Variants in ABLIM2 observed in about 807,000 individuals in gnomAD.
ABLIM2 encodes the protein actin-binding LIM protein 2.
Under a neutral mutation model 97.7 loss-of-function variants are expected in ABLIM2, and 53 were observed. The ratio of observed to expected loss-of-function variants is 0.54; its 90% confidence interval spans 0.44 to 0.68. ABLIM2 has a LOEUF of 0.68. Ranked by LOEUF, ABLIM2 falls within the 30% of genes least tolerant of loss-of-function variation. The probability of loss-of-function intolerance (pLI) is 0.00; values close to 1 mark genes in which losing one functional copy is unlikely to be tolerated. For synonymous variants in ABLIM2, 361 were observed against 345.8 expected (o/e 1.04, Z -0.49); for missense variants, 835 against 867.2 (o/e 0.96, Z 0.47).
In ABLIM2 at chr4:8,054,553, G is replaced by C. The variant is rs997177259; in HGVS notation, c.764-307C>G. Among the ~76,000 whole-genome samples the C allele has an allele frequency of 6.6e-5, 10 of 152,222 alleles. No individual in the cohort carries two copies. The highest frequency in any genetic ancestry group is 2.4e-4 in the African/African-American group (10 of 41,454). On this transcript the variant is annotated intron_variant, in intron 7 of 20. Coordinates refer to ENST00000447017, the MANE Select transcript of ABLIM2 (RefSeq NM_001130083.2). This position sits in a 1 kb window ranked among gnomAD's most constrained non-coding sequence, Gnocchi z 4.9. ...GGCATAGGGTCTTGAGGAACCTGGG[G>C]GGCAGCTGGAAGATTCTTCTCTGAG...
chr4:8,040,047 C>A (rs1413987164), intron 9 of ABLIM2, among the ~76,000 whole-genome samples: 1 of 152,152 alleles, frequency 6.6e-6, no homozygotes, highest in Non-Finnish European at 1.5e-5. Flanking sequence ...CAAGCCCTCA[C>A]GGTCCGTGGA....
Position 8,043,542 on chromosome 4 carries a change from C to T in ABLIM2, c.900+1622G>A, listed in dbSNP as rs36015355. Among the ~76,000 whole-genome samples, 52,528 of 151,806 alleles carry T rather than the reference C, an allele frequency of 0.35. 9,476 individuals carry two copies. The highest frequency in any genetic ancestry group is 0.52 in the East Asian group (2,661 of 5,134). ...TTAAAACAAGACCGTTAGGGTGGAT[C>T]CAATCCAATCTGCCTGGTGTCCTTA... On this transcript the variant is annotated intron_variant, in intron 9 of 20. Transcript: ENST00000447017. The surrounding 1 kb of genome is among the most constrained non-coding windows in gnomAD (Gnocchi z 4.8).
chr4:8,072,148 C>T lies in ABLIM2; in HGVS notation c.675+5480G>A. 2 of 822,982 alleles carry T rather than the reference C, an allele frequency of 2.4e-6. No homozygotes were observed. The highest frequency in any genetic ancestry group is 2.9e-6 in the Non-Finnish European group (2 of 681,514). The allele number at this position is 822,982 out of a possible 1,614,324, so 51.0% of individuals were successfully genotyped here. On this transcript the variant is annotated intron_variant, in intron 6 of 20. Coordinates refer to ENST00000447017, the MANE Select transcript of ABLIM2 (RefSeq NM_001130083.2). The surrounding 1 kb of genome is among the most constrained non-coding windows in gnomAD (Gnocchi z 5.8). ...TCTTCCCCAGGAGGCCCTTTCTCCT[C>T]CACAGCAGAGGAGGAGGAAAAAACC...
chr4:8,019,639 G>T lies in ABLIM2; in HGVS notation c.1402C>A (p.Pro468Thr), dbSNP rs751376594. The T allele has an allele frequency of 1.2e-6, 2 of 1,612,466 alleles. No individual in the cohort carries two copies. The highest frequency in any genetic ancestry group is 1.7e-6 in the Non-Finnish European group (2 of 1,179,386). ...GTACCATGCTGTCTGTAGATAGGGGGTTTCCTATAGATGTTATCTTTTACG... is the reference window on the plus strand; with the variant it reads ...GTACCATGCTGTCTGTAGATAGGGGTTTTCCTATAGATGTTATCTTTTACG... ...TGVKDNIYRKPPIYRQHAARR... is the reference protein window; with the variant it reads ...TGVKDNIYRKTPIYRQHAARR... Residue 468 changes from proline to threonine, a missense_variant, in exon 14 of 21, where the codon CCC (proline) becomes ACC (threonine). Physicochemically the swap from Pro to Thr is conservative, Grantham distance 38. Coordinates refer to ENST00000447017, the MANE Select transcript of ABLIM2 (RefSeq NM_001130083.2). The surrounding 1 kb of genome is among the most constrained non-coding windows in gnomAD (Gnocchi z 4.3).
chr4:8,120,516 G>C lies in ABLIM2; in HGVS notation c.11-13879C>G, dbSNP rs1030221284. Among the ~76,000 whole-genome samples the C allele has an allele frequency of 2.0e-4, 31 of 152,090 alleles. No individual in the cohort carries two copies. Among genetic ancestry groups the C allele is most frequent in the Admixed American group, 2.0e-4 (3 of 15,272 alleles). ...CGCGGGAGAAGATGGCGACTTAGAT[G>C]CCAGGAGAGGGGCCCTGGGACGGGT... On this transcript the variant is annotated intron_variant, in intron 1 of 20. Coordinates refer to ENST00000447017, the MANE Select transcript of ABLIM2 (RefSeq NM_001130083.2). The surrounding 1 kb of genome is among the most constrained non-coding windows in gnomAD (Gnocchi z 5.6).
rs960649519 is a variant in ABLIM2, at chr4:7,998,053, G to T, written c.1619-5126C>A. Among the ~76,000 whole-genome samples, 6 of 151,834 alleles carry T rather than the reference G, an allele frequency of 4.0e-5. No homozygotes were observed. The highest frequency in any genetic ancestry group is 1.5e-4 in the African/African-American group (6 of 41,318). ...TGTGCCACCATGCCCGGCTGATTTT[G>T]TATTTTTAGTAGAGACGGGGTTTCT... is the stretch of plus-strand genomic sequence containing the variant. On this transcript the variant is annotated intron_variant, in intron 16 of 20. Coordinates refer to ENST00000447017, the MANE Select transcript of ABLIM2 (RefSeq NM_001130083.2). This position sits in a 1 kb window ranked among gnomAD's most constrained non-coding sequence, Gnocchi z 6.4.
chr4:8,129,819 C>T (rs1459192497), intron 1 of ABLIM2, among the ~76,000 whole-genome samples: 1 of 152,110 alleles, frequency 6.6e-6, no homozygotes. Context: ...ATAATGATCA[C>T]CGGCCACCCC....
At chr4:8,103,212 T>C (rs929004463) in intron 2 of ABLIM2, among the ~76,000 whole-genome samples, 4 of 152,254 alleles carry the variant, frequency 2.6e-5, no homozygotes, top group African/African-American at 4.8e-5. Flanking sequence ...CAAATATCCA[T>C]GTTGGATATT....
At chr4:8,037,483 C>T (rs1408012043) in intron 9 of ABLIM2, among the ~76,000 whole-genome samples, 3 of 152,124 alleles carry the variant, frequency 2.0e-5, no homozygotes, top group African/African-American at 7.2e-5. Context: ...CACACATGCC[C>T]ACACCCACAC....
intron 2 of ABLIM2, among the ~76,000 whole-genome samples, chr4:8,105,368 G>A (rs1167806177): frequency 2.0e-5 from 3 of 152,164 alleles, no homozygotes; most frequent in Admixed American, 6.5e-5. Flanking sequence ...AGCAGACAGC[G>A]AATGTGTCCA....
At chr4:8,020,753 A>G (rs1280869956) in intron 12 of ABLIM2, 1 of 170,912 alleles carries the variant, frequency 5.9e-6, no homozygotes, top group Non-Finnish European at 1.3e-5. Context: ...TTAAAGCACT[A>G]AAATGATCAA....
At chr4:8,131,339 C>A (rs1849330723) in intron 1 of ABLIM2, among the ~76,000 whole-genome samples, 1 of 152,210 alleles carries the variant, frequency 6.6e-6, no homozygotes, top group Non-Finnish European at 1.5e-5. Flanking sequence ...ACTCAACTCA[C>A]CTTCTTATAT....
At chr4:8,093,757 TG>T (rs1264839204) in intron 3 of ABLIM2, among the ~76,000 whole-genome samples, 1 of 152,234 alleles carries the variant, frequency 6.6e-6, no homozygotes, top group Non-Finnish European at 1.5e-5. Context: ...AAATAATTTT[TG>T]TTCGTCTGGC....
intron 8 of ABLIM2, among the ~76,000 whole-genome samples, chr4:8,048,570 C>T (rs376289230): frequency 4.6e-5 from 7 of 152,304 alleles, no homozygotes; most frequent in East Asian, 3.9e-4. Flanking sequence ...TGCCAAGCCT[C>T]GCTCTACCGC....
chr4:8,066,556 G>T (rs1447896500), intron 6 of ABLIM2: 1 of 152,228 alleles, frequency 6.6e-6, no homozygotes. Context: ...CTATGCCAGG[G>T]AGTATTATTC....
intron 6 of ABLIM2, among the ~76,000 whole-genome samples, chr4:8,070,518 C>T (rs1459616592): frequency 6.6e-6 from 1 of 152,038 alleles, no homozygotes; most frequent in East Asian, 1.9e-4. Flanking sequence ...TTGTTTTCTC[C>T]CAGTGACGAG....
intron 3 of ABLIM2, among the ~76,000 whole-genome samples, chr4:8,094,210 T>C (rs569942793): frequency 1.3e-5 from 2 of 152,370 alleles, no homozygotes; most frequent in South Asian, 2.1e-4. Flanking sequence ...ATTATGTTCA[T>C]ATTTCCTTAA....
intron 6 of ABLIM2, 42 bp downstream of exon 6, chr4:8,077,586 C>A (rs1488713216): frequency 3.2e-6 from 5 of 1,547,842 alleles, no homozygotes; most frequent in Non-Finnish European, 3.5e-6. Context: ...GGCAGTTAGG[C>A]CCTAGCTCAG....
At chr4:8,101,235 G>C (rs1355658826) in intron 2 of ABLIM2, among the ~76,000 whole-genome samples, 1 of 152,188 alleles carries the variant, frequency 6.6e-6, no homozygotes, top group African/African-American at 2.4e-5. Context: ...GGCCCAGCCC[G>C]GCTCAGGATC....
Sources: gnomAD v4.1 joint callset for allele counts (sites outside exome capture counted in the v4.1 genomes callset) on GRCh38, gnomAD v4.1.1 for gene constraint, Gnocchi (gnomAD v3.1) non-coding constraint, MANE v1.5 for transcripts, NCBI Gene and HGNC (gene_info 2026-07-23, HGNC 2026-07-21) for gene names.